The following DDX10 variants were observed in gnomAD, a reference collection of about 807,000 sequenced individuals.
The protein encoded by DDX10 is DEAD-box helicase 10, also known as probable ATP-dependent RNA helicase DDX10.
DDX10 carries 74 observed loss-of-function variants against 104.3 expected under a neutral mutation model. The ratio of observed to expected loss-of-function variants is 0.71; its 90% confidence interval spans 0.59 to 0.86. The LOEUF (loss-of-function observed/expected upper bound fraction) is 0.86. Ranked by LOEUF, DDX10 falls within the 40% of genes least tolerant of loss-of-function variation. DDX10 has a pLI of 0.00. For synonymous variants in DDX10, 351 were observed against 353.4 expected (o/e 0.99, Z 0.08); for missense variants, 952 against 1,040.0 (o/e 0.92, Z 1.16).
chr11:108,674,599 C>A (rs2094221503), intron 2 of DDX10, among the ~76,000 whole-genome samples: 1 of 151,832 alleles, frequency 6.6e-6, no homozygotes, highest in African/African-American at 2.4e-5. Context: ...CATCCTCAGC[C>A]TTCTGGGCTC....
At position 108,741,145 on chromosome 11, in the gene DDX10, T is replaced by A. The variant is rs576191751; in HGVS notation, c.1965+17683T>A. Among the ~76,000 whole-genome samples, 4 of 152,276 alleles carry A rather than the reference T, an allele frequency of 2.6e-5. No homozygotes were observed. The South Asian group carries it at 8.3e-4, about 32-fold the overall frequency. ...GTGGCCTTATTTTTGGGCTCTCTAT[T>A]CTGTTCCATGAGCCTATGCATCTGT... On this transcript the variant is annotated intron_variant, in intron 13 of 17. Transcript: ENST00000322536.
intron 16 of DDX10, among the ~76,000 whole-genome samples, chr11:108,868,900 A>G (rs941188575): frequency 6.6e-6 from 1 of 151,422 alleles, no homozygotes; most frequent in Non-Finnish European, 1.5e-5. Context: ...CTTTCTATTG[A>G]GTTTATACAG....
chr11:108,702,231 T>C (rs1709346703), intron 9 of DDX10, among the ~76,000 whole-genome samples: 1 of 152,200 alleles, frequency 6.6e-6, no homozygotes, highest in Non-Finnish European at 1.5e-5. Context: ...AAAATAATGC[T>C]TACTAACTGT....
chr11:108,826,596 G>A (rs958517633), intron 13 of DDX10, among the ~76,000 whole-genome samples: 25 of 152,184 alleles, frequency 1.6e-4, no homozygotes, highest in African/African-American at 5.8e-4. Flanking sequence ...TTTGCAGATA[G>A]GAGTAGAAAC....
At chr11:108,788,797 A>G (rs28736339) in intron 13 of DDX10, among the ~76,000 whole-genome samples, 24,972 of 152,226 alleles carry the variant, frequency 0.16, 2,078 homozygotes, top group East Asian at 0.25. Context: ...TTAGCCACAC[A>G]ACTCTTTTGT....
chr11:108,914,861 A>G (rs559343358), intron 16 of DDX10, among the ~76,000 whole-genome samples: 10 of 150,380 alleles, frequency 6.6e-5, no homozygotes, highest in Non-Finnish European at 1.3e-4. Flanking sequence ...TGGAAATCCT[A>G]GAGCTGAAAA....
chr11:108,855,565 T>C (rs1240096004), intron 16 of DDX10, among the ~76,000 whole-genome samples: 1 of 152,160 alleles, frequency 6.6e-6, no homozygotes, highest in Non-Finnish European at 1.5e-5. Flanking sequence ...GTTCAAGCGA[T>C]TCTCCTGCCT....
At chr11:108,744,958 C>CTCTT (rs2094329544) in intron 13 of DDX10, among the ~76,000 whole-genome samples, 2 of 151,574 alleles carry the variant, frequency 1.3e-5, no homozygotes, top group East Asian at 3.9e-4. Flanking sequence ...TGTGTTGTGG[C>CTCTT]CAATCAATTT....
chr11:108,888,353 A>G (rs1252379635), intron 16 of DDX10, among the ~76,000 whole-genome samples: 1 of 152,120 alleles, frequency 6.6e-6, no homozygotes, highest in Non-Finnish European at 1.5e-5. Context: ...TTCAATATAT[A>G]TTCCCCCCTT....
chr11:108,724,464 A>G (rs1284111029), intron 13 of DDX10, among the ~76,000 whole-genome samples: 4 of 152,114 alleles, frequency 2.6e-5, no homozygotes, highest in Admixed American at 2.6e-4. Flanking sequence ...AGTGAGGCAC[A>G]CAGGTAGTAA....
chr11:108,799,471 G>C (rs563644098), intron 13 of DDX10, among the ~76,000 whole-genome samples: 11 of 152,166 alleles, frequency 7.2e-5, no homozygotes, highest in Admixed American at 5.2e-4. Context: ...TGTCTGCCAG[G>C]GTTCTTCATC....
intron 13 of DDX10, among the ~76,000 whole-genome samples, chr11:108,748,146 T>C (rs1041775692): frequency 2.0e-5 from 3 of 152,182 alleles, no homozygotes; most frequent in African/African-American, 4.8e-5. Context: ...TTTTCTGTTT[T>C]AGCAGCCTGT....
chr11:108,910,354 G>A (rs1003424893), intron 16 of DDX10, among the ~76,000 whole-genome samples: 7 of 152,176 alleles, frequency 4.6e-5, no homozygotes, highest in Admixed American at 4.6e-4. Flanking sequence ...TCAAAAATGG[G>A]AACAATAAAT....
chr11:108,902,981 T>C (rs1234643258), intron 16 of DDX10, among the ~76,000 whole-genome samples: 2 of 152,128 alleles, frequency 1.3e-5, no homozygotes, highest in Non-Finnish European at 2.9e-5. Flanking sequence ...AAACAGGCAG[T>C]CTTCAAAAAG....
At chr11:108,820,345 G>A (rs1348855636) in intron 13 of DDX10, among the ~76,000 whole-genome samples, 1 of 152,176 alleles carries the variant, frequency 6.6e-6, no homozygotes, top group African/African-American at 2.4e-5. Context: ...ACACTTTGTT[G>A]GGAAAAGGGA....
intron 17 of DDX10, among the ~76,000 whole-genome samples, chr11:108,927,698 C>T (rs572426323): frequency 5.3e-5 from 8 of 150,978 alleles, no homozygotes; most frequent in African/African-American, 1.7e-4. Context: ...AGTGCAGTGG[C>T]GTGATCTCAG....
chr11:108,899,095 T>C (rs1277599228), intron 16 of DDX10, among the ~76,000 whole-genome samples: 2 of 152,208 alleles, frequency 1.3e-5, no homozygotes, highest in East Asian at 3.8e-4. Context: ...GTCTCTGCGT[T>C]ATCTCTCAAT....
intron 13 of DDX10, among the ~76,000 whole-genome samples, chr11:108,820,476 A>T (rs2134576955): frequency 6.6e-6 from 1 of 152,356 alleles, no homozygotes; most frequent in East Asian, 1.9e-4. Flanking sequence ...TTTTCATTCC[A>T]CTTGAGATAT....
chr11:108,918,030 C>G lies in DDX10; in HGVS notation c.2450+12C>G. ...GAAAATAAAATAAGGTATGTTTTTA[C>G]TATGGGTATGAAATACATACTTAGT... On this transcript the variant is annotated intron_variant, in intron 17 of 17. Coordinates refer to ENST00000322536, the MANE Select transcript of DDX10 (RefSeq NM_004398.4). 6.2e-7 allele frequency: 1 copy of G among 1,609,894 alleles called. No homozygotes were observed. Among genetic ancestry groups the G allele is most frequent in the Non-Finnish European group, 8.5e-7 (1 of 1,176,442 alleles).
Sources: allele counts gnomAD v4.1 joint callset (sites outside exome capture counted in the v4.1 genomes callset), GRCh38; gene constraint gnomAD v4.1.1; transcripts MANE v1.5; gene names NCBI Gene and HGNC (gene_info 2026-07-23, HGNC 2026-07-21).